ADAMTSL1: variants seen among roughly 807,000 people sequenced by gnomAD.
ADAMTSL1 encodes ADAMTS like 1.
Under a neutral mutation model 201.8 loss-of-function variants are expected in ADAMTSL1, and 126 were observed. That is an observed-to-expected ratio of 0.62 (90% CI 0.54 to 0.72). The LOEUF (loss-of-function observed/expected upper bound fraction) is 0.72, where lower values mean the gene tolerates loss of function less well. Among genes scored for constraint, ADAMTSL1 ranks in the 30% least tolerant of loss-of-function variants. ADAMTSL1 has a pLI of 0.00. For synonymous variants in ADAMTSL1, 1,121 were observed against 903.4 expected, an observed-to-expected ratio of 1.24 and a Z score of -4.32; for missense variants, 2,679 against 2,277.8, an observed-to-expected ratio of 1.18 and a Z score of -3.59.
chr9:18,439,210 C>G (rs969730665), intron 2 of ADAMTSL1, among the ~76,000 whole-genome samples: 1 of 152,124 alleles, frequency 6.6e-6, no homozygotes, highest in Non-Finnish European at 1.5e-5. Flanking sequence ...AAATCACCCC[C>G]GGTTCCTATG....
At chr9:17,976,693 G>GCT (rs1818463869) in intron 1 of ADAMTSL1, among the ~76,000 whole-genome samples, 1 of 149,098 alleles carries the variant, frequency 6.7e-6, no homozygotes, top group African/African-American at 2.5e-5. Flanking sequence ...TCTCTCTCTT[G>GCT]CTCTCGCTCT....
intron 4 of ADAMTSL1, among the ~76,000 whole-genome samples, chr9:18,602,625 C>G (rs1824737475): frequency 6.6e-6 from 1 of 152,178 alleles, no homozygotes; most frequent in South Asian, 2.1e-4. Flanking sequence ...TCAACCCTTC[C>G]CAGGTTGTTG....
intron 2 of ADAMTSL1, among the ~76,000 whole-genome samples, chr9:18,431,071 G>GT (rs1426091188): frequency 6.6e-6 from 1 of 152,152 alleles, no homozygotes; most frequent in African/African-American, 2.4e-5. Flanking sequence ...TGGAACAATG[G>GT]TTACATGCCC....
intron 2 of ADAMTSL1, among the ~76,000 whole-genome samples, chr9:18,440,187 G>A (rs1463468089): frequency 6.6e-6 from 1 of 151,966 alleles, no homozygotes; most frequent in African/African-American, 2.4e-5. Context: ...GTTCTGCTAT[G>A]GTACAATATG....
At chr9:18,201,577 A>G (rs1401065038) in intron 2 of ADAMTSL1, among the ~76,000 whole-genome samples, 2 of 152,220 alleles carry the variant, frequency 1.3e-5, no homozygotes, top group Admixed American at 1.3e-4. Context: ...GCAATGGGTT[A>G]AAAAACTTTT....
At chr9:18,101,833 G>A (rs1406285910) in intron 1 of ADAMTSL1, among the ~76,000 whole-genome samples, 1 of 152,178 alleles carries the variant, frequency 6.6e-6, no homozygotes, top group Non-Finnish European at 1.5e-5. Context: ...GCGTATGCAG[G>A]TATGCATGTC....
chr9:18,060,007 G>C (rs895560600), intron 1 of ADAMTSL1, among the ~76,000 whole-genome samples: 3 of 152,184 alleles, frequency 2.0e-5, no homozygotes, highest in Non-Finnish European at 2.9e-5. Context: ...GTACAAAATA[G>C]TAGATAGTAA....
At chr9:18,253,615 G>A (rs1831553956) in intron 2 of ADAMTSL1, among the ~76,000 whole-genome samples, 1 of 152,102 alleles carries the variant, frequency 6.6e-6, no homozygotes, top group African/African-American at 2.4e-5. Flanking sequence ...CTGCTCTGTG[G>A]GCAAAGTCAG....
intron 2 of ADAMTSL1, among the ~76,000 whole-genome samples, chr9:18,522,843 A>G (rs778672681): frequency 2.0e-5 from 3 of 152,080 alleles, no homozygotes; most frequent in African/African-American, 4.8e-5. Context: ...TTGATCATTC[A>G]TGGACATTAG....
intron 2 of ADAMTSL1, among the ~76,000 whole-genome samples, chr9:18,194,460 C>T (rs938697956): frequency 1.3e-5 from 2 of 152,054 alleles, no homozygotes; most frequent in Non-Finnish European, 1.5e-5. Context: ...TGGTCCCCTG[C>T]GCTGGTCCTC....
At chr9:18,232,967 A>T (rs1243858911) in intron 2 of ADAMTSL1, among the ~76,000 whole-genome samples, 1 of 152,210 alleles carries the variant, frequency 6.6e-6, no homozygotes, top group Non-Finnish European at 1.5e-5. Context: ...TAACAACCAA[A>T]ATTGTACAGT....
chr9:18,263,411 G>C (rs1831997917), intron 2 of ADAMTSL1, among the ~76,000 whole-genome samples: 1 of 151,982 alleles, frequency 6.6e-6, no homozygotes, highest in African/African-American at 2.4e-5. Flanking sequence ...CCTGGCTCCT[G>C]TTGCTTCCTC....
chr9:18,110,357 C>T (rs576316076), intron 1 of ADAMTSL1, among the ~76,000 whole-genome samples: 3 of 151,822 alleles, frequency 2.0e-5, no homozygotes, highest in South Asian at 2.1e-4. Flanking sequence ...TGTGGCCCAG[C>T]GAATGCTGCA....
chr9:18,656,655 A>G (rs1479219568), intron 7 of ADAMTSL1, among the ~76,000 whole-genome samples: 1 of 148,392 alleles, frequency 6.7e-6, no homozygotes, highest in Non-Finnish European at 1.5e-5. Flanking sequence ...AGAAAATGTT[A>G]AGACTGAAAA....
intron 20 of ADAMTSL1, among the ~76,000 whole-genome samples, chr9:18,803,657 C>CA (rs1295698982): frequency 6.6e-6 from 1 of 152,056 alleles, no homozygotes; most frequent in Non-Finnish European, 1.5e-5. Context: ...GACACCAAAC[C>CA]AAAAAATGTT....
Position 18,295,153 on chromosome 9 carries a change from G to C in ADAMTSL1, c.207+131172G>C, listed in dbSNP as rs143686369. 1.9e-3 allele frequency among the ~76,000 whole-genome samples: 286 copies of C among 152,086 alleles called. 1 individual carries two copies. Among genetic ancestry groups the C allele is most frequent in the Middle Eastern group, 0.017 (5 of 292 alleles). ...ATATAACATGGTCACTATAGAATGG[G>C]CCACGCAACTTTGCAACCCAAAAGT... On this transcript the variant is annotated intron_variant, in intron 2 of 29. Transcript: ENST00000680146.
chr9:18,018,837 T>C (rs1169388412), intron 1 of ADAMTSL1, among the ~76,000 whole-genome samples: 1 of 151,980 alleles, frequency 6.6e-6, no homozygotes, highest in Non-Finnish European at 1.5e-5. Context: ...TTGGGATAAA[T>C]TGCGAGGTAT....
chr9:18,083,144 A>G lies in ADAMTSL1; in HGVS notation c.88-80718A>G, dbSNP rs1189920382. On this transcript the variant is annotated intron_variant, in intron 1 of 29. Coordinates refer to the ADAMTSL1 transcript ENST00000680146. ...TTATTTTGAGGATGTGGGGCAAGAC[A>G]TGAAACTGTGCCTTTAAGTTTGGCT... Among the ~76,000 whole-genome samples, 2 of 152,234 alleles carry G rather than the reference A, an allele frequency of 1.3e-5. 1 individual carries two copies. Among genetic ancestry groups the G allele is most frequent in the African/African-American group, 4.8e-5 (2 of 41,462 alleles).
At chr9:18,410,844 T>C (rs1818407913) in intron 2 of ADAMTSL1, among the ~76,000 whole-genome samples, 1 of 103,796 alleles carries the variant, frequency 9.6e-6, no homozygotes, top group Admixed American at 9.8e-5. Context: ...TGTCTTCTTC[T>C]TCTTTTTTTT....
Sources: allele counts gnomAD v4.1 joint callset (sites outside exome capture counted in the v4.1 genomes callset), GRCh38; gene constraint gnomAD v4.1.1; transcripts MANE v1.5; gene names NCBI Gene and HGNC (gene_info 2026-07-23, HGNC 2026-07-21).